Variants in ATP8B4 observed in about 807,000 individuals in gnomAD.
The protein encoded by ATP8B4 is ATPase phospholipid transporting 8B4 (putative), also known as probable phospholipid-transporting ATPase IM.
In ATP8B4, 133 loss-of-function variants were observed where a neutral mutation model predicts 145.6. The observed-to-expected ratio is 0.91, with a 90% CI of 0.79 to 1.05. The LOEUF (loss-of-function observed/expected upper bound fraction) is 1.05. Among genes scored for constraint, ATP8B4 ranks in the 50% least tolerant of loss-of-function variants. The pLI is 0.00. For missense variants in ATP8B4, 1,458 were observed against 1,425.2 expected (o/e 1.02, Z -0.37); for synonymous variants, 507 against 492.9 (o/e 1.03, Z -0.38).
chr15:49,872,616 GTCTATT>G (rs1207980579), intron 25 of ATP8B4, among the ~76,000 whole-genome samples: 1 of 152,104 alleles, frequency 6.6e-6, no homozygotes, highest in Non-Finnish European at 1.5e-5. Flanking sequence ...CACAACCTCA[GTCTATT>G]TCTAAGAAAA....
chr15:50,079,052 T>C (rs1300801811), intron 2 of ATP8B4, among the ~76,000 whole-genome samples: 2 of 152,268 alleles, frequency 1.3e-5, no homozygotes, highest in East Asian at 1.9e-4. Context: ...AATAACTTAA[T>C]TGTACACTTA....
At chr15:49,876,890 T>TG (rs1413593443) in intron 24 of ATP8B4, among the ~76,000 whole-genome samples, 3 of 152,194 alleles carry the variant, frequency 2.0e-5, no homozygotes, top group Admixed American at 6.5e-5. Flanking sequence ...CAGCACATCA[T>TG]GTGCAGCCAA....
intron 14 of ATP8B4, among the ~76,000 whole-genome samples, chr15:49,954,578 C>T (rs531695430): frequency 1.3e-5 from 2 of 152,254 alleles, no homozygotes; most frequent in East Asian, 3.9e-4. Flanking sequence ...AAAAAATGCT[C>T]ATGATCATTA....
chr15:50,141,806 C>G (rs865853124), intron 1 of ATP8B4, among the ~76,000 whole-genome samples: 37 of 152,080 alleles, frequency 2.4e-4, no homozygotes, highest in African/African-American at 8.7e-4. Context: ...TTAAGAATTC[C>G]TTTCCTCAAC....
chr15:49,881,147 A>G (rs1181103433), intron 23 of ATP8B4, among the ~76,000 whole-genome samples: 2 of 151,292 alleles, frequency 1.3e-5, no homozygotes, highest in Non-Finnish European at 2.9e-5. Flanking sequence ...AAAAGCCTTG[A>G]TTTGTAGCAT....
intron 3 of ATP8B4, among the ~76,000 whole-genome samples, chr15:50,073,007 TATATATATATATACAC>T (rs763257937): frequency 0.052 from 2,864 of 55,372 alleles, 165 homozygotes; most frequent in South Asian, 0.11. Flanking sequence ...TATATATATA[TATATATATATATACAC>T]ACACACACAC....
intron 1 of ATP8B4, among the ~76,000 whole-genome samples, chr15:50,144,882 A>C (rs1461933217): frequency 6.6e-6 from 1 of 151,494 alleles, no homozygotes; most frequent in Non-Finnish European, 1.5e-5. Context: ...GACTACTCTC[A>C]GCTGATCAGA....
At chr15:49,914,782 C>T (rs1488835716) in intron 20 of ATP8B4, among the ~76,000 whole-genome samples, 1 of 151,976 alleles carries the variant, frequency 6.6e-6, no homozygotes, top group Non-Finnish European at 1.5e-5. Flanking sequence ...TTTATTTCAG[C>T]TAGAATAGCT....
chr15:50,130,861 AATTGT>A (rs1595630887), intron 1 of ATP8B4, among the ~76,000 whole-genome samples: 1 of 152,210 alleles, frequency 6.6e-6, no homozygotes, highest in South Asian at 2.1e-4. Context: ...CTATGTTAGT[AATTGT>A]ATTAGTCCAT....
At chr15:50,133,713 T>C (rs12898273) in intron 1 of ATP8B4, among the ~76,000 whole-genome samples, 150,494 of 152,338 alleles carry the variant, frequency 0.99, 74,359 homozygotes, top group East Asian at 1. Context: ...TCAAAATTTA[T>C]GAACTTTCAG....
At chr15:50,171,694 A>C (rs1266232421) in intron 1 of ATP8B4, among the ~76,000 whole-genome samples, 1 of 152,208 alleles carries the variant, frequency 6.6e-6, no homozygotes, top group Non-Finnish European at 1.5e-5. Context: ...AGAAAAAATG[A>C]AATAACCAAG....
chr15:50,054,814 A>C lies in ATP8B4; in HGVS notation c.88-7350T>G, dbSNP rs867872045. The stretch of plus-strand genomic sequence containing the variant: ...AAAAAAAAAAAAAAAAAAAAACAAA[A>C]AAAAAAAAACACCAACCTCAGCACT... On this transcript the variant is annotated intron_variant, in intron 3 of 27. Coordinates refer to ENST00000284509, the MANE Select transcript of ATP8B4 (RefSeq NM_024837.4). Among the ~76,000 whole-genome samples the C allele has an allele frequency of 2.7e-3, 400 of 149,800 alleles. 4 individuals carry two copies. The highest frequency in any genetic ancestry group is 8.0e-3 in the African/African-American group (318 of 39,946).
intron 20 of ATP8B4, among the ~76,000 whole-genome samples, chr15:49,908,633 C>T (rs1311549370): frequency 6.6e-6 from 1 of 152,112 alleles, no homozygotes; most frequent in African/African-American, 2.4e-5. Flanking sequence ...CTGGGTCCCA[C>T]ATACCACAAA....
intron 20 of ATP8B4, chr15:49,902,045 T>C (rs2038096365): frequency 5.3e-6 from 1 of 187,740 alleles, no homozygotes; most frequent in Admixed American, 6.2e-5. Flanking sequence ...CATTCTACTG[T>C]TCTCTCCAAA....
intron 12 of ATP8B4, 49 bp downstream of exon 12, chr15:49,979,568 C>A: frequency 1.5e-6 from 2 of 1,338,170 alleles, no homozygotes; most frequent in East Asian, 2.4e-5. Flanking sequence ...ATATTGGAAA[C>A]AAAGGTTTTG....
chr15:50,061,477 T>C (rs560608494), intron 3 of ATP8B4, among the ~76,000 whole-genome samples: 1 of 152,356 alleles, frequency 6.6e-6, no homozygotes, highest in South Asian at 2.1e-4. Context: ...AATAACTATT[T>C]GTTGATAAAA....
intron 23 of ATP8B4, chr15:49,879,780 G>A: frequency 5.3e-6 from 1 of 188,844 alleles, no homozygotes; most frequent in Non-Finnish European, 1.1e-5. Flanking sequence ...GTGGTGGGTT[G>A]CCATTTTATT....
intron 6 of ATP8B4, among the ~76,000 whole-genome samples, chr15:50,021,732 T>C (rs572421495): frequency 6.6e-6 from 1 of 152,356 alleles, no homozygotes; most frequent in South Asian, 2.1e-4. Context: ...TTATTATGTG[T>C]CTTCCACACT....
intron 13 of ATP8B4, among the ~76,000 whole-genome samples, chr15:49,966,335 C>T (rs2044536530): frequency 6.6e-6 from 1 of 152,212 alleles, no homozygotes; most frequent in Non-Finnish European, 1.5e-5. Context: ...CAGCAGATCC[C>T]ACCCCCATGG....
Sources: allele counts gnomAD v4.1 joint callset (sites outside exome capture counted in the v4.1 genomes callset), GRCh38; gene constraint gnomAD v4.1.1; transcripts MANE v1.5; gene names NCBI Gene and HGNC (gene_info 2026-07-23, HGNC 2026-07-21).